Variants in ATG7 observed in about 807,000 individuals in gnomAD.
ATG7 encodes autophagy related 7.
ATG7 carries 70 observed loss-of-function variants against 82.4 expected under a neutral mutation model. The observed-to-expected ratio is 0.85, with a 90% CI of 0.70 to 1.04. The LOEUF (loss-of-function observed/expected upper bound fraction) is 1.04, where lower values mean the gene tolerates loss of function less well. ATG7 is among the 50% of genes least tolerant of loss of function. The pLI, the probability that ATG7 is intolerant of heterozygous loss-of-function variation, is 0.00. For synonymous variants in ATG7, 287 were observed against 313.0 expected (o/e 0.92, Z 0.88); for missense variants, 792 against 864.3 (o/e 0.92, Z 1.05).
chr3:11,542,238 G>C (rs1048003885), intron 20 of ATG7, among the ~76,000 whole-genome samples: 1 of 152,252 alleles, frequency 6.6e-6, no homozygotes, highest in Non-Finnish European at 1.5e-5. Flanking sequence ...CTTGCACTTA[G>C]GCAGTAAACA....
intron 19 of ATG7, among the ~76,000 whole-genome samples, chr3:11,412,044 C>G (rs2080956403): frequency 1.3e-5 from 2 of 151,718 alleles, no homozygotes; most frequent in Admixed American, 1.3e-4. Context: ...GCACAGAAAG[C>G]CAATCACTGA....
intron 5 of ATG7, among the ~76,000 whole-genome samples, chr3:11,302,922 A>G (rs544620098): frequency 6.6e-6 from 1 of 152,362 alleles, no homozygotes; most frequent in East Asian, 1.9e-4. Context: ...TTAAACTGGA[A>G]TATGCTGTCT....
chr3:11,408,801 T>A (rs1559558248), intron 19 of ATG7, among the ~76,000 whole-genome samples: 1 of 152,170 alleles, frequency 6.6e-6, no homozygotes, highest in Non-Finnish European at 1.5e-5. Flanking sequence ...GTCCTTCCCA[T>A]AACACATTGG....
rs946636381 is a variant in ATG7, at chr3:11,364,968, A to G, written c.1875+234A>G. Among the ~76,000 whole-genome samples, 5 of 152,120 alleles carry G rather than the reference A, an allele frequency of 3.3e-5. No individual in the cohort carries two copies. In the East Asian group the frequency reaches 7.7e-4, roughly 23 times the overall value. On this transcript the variant is annotated intron_variant, in intron 18 of 20. Transcript: ENST00000693202. ...CCAGAGTCTTTGATGCGTTTTGTAA[A>G]CTGACTAGAGGCCTCATAATGCAAT...
At chr3:11,335,962 G>T (rs1952396933) in intron 11 of ATG7, among the ~76,000 whole-genome samples, 1 of 151,418 alleles carries the variant, frequency 6.6e-6, no homozygotes, top group Non-Finnish European at 1.5e-5. Context: ...CTCCCAAAGT[G>T]CAGGGATTAC....
intron 20 of ATG7, among the ~76,000 whole-genome samples, chr3:11,480,397 C>T (rs958431538): frequency 7.2e-5 from 11 of 151,872 alleles, no homozygotes; most frequent in Non-Finnish European, 1.2e-4. Flanking sequence ...ATTGGCTGGG[C>T]GTGGTTGTGC....
At chr3:11,432,175 G>A (rs1437880004) in intron 20 of ATG7, among the ~76,000 whole-genome samples, 1 of 152,192 alleles carries the variant, frequency 6.6e-6, no homozygotes. Context: ...AATGGGATAA[G>A]TGAGTGAAAA....
chr3:11,394,316 A>G (rs539692793), intron 19 of ATG7, among the ~76,000 whole-genome samples: 109 of 152,350 alleles, frequency 7.2e-4, no homozygotes, highest in Non-Finnish European at 1.3e-3. Context: ...TAGTGATAGG[A>G]CAGGTGATTT....
At position 11,555,560 on chromosome 3, in the gene ATG7, G is replaced by A. The variant is rs1042769205; in HGVS notation, c.*717G>A. ...GCCTTGAGCTGGGGGGAAGAGCCCA[G>A]GGGCAGATCCTGGCAGCTGCCTGGA... On this transcript the variant is annotated 3_prime_UTR_variant, in exon 21 of 21. Coordinates refer to ENST00000693202, the MANE Select transcript of ATG7 (RefSeq NM_001349232.2). The A allele has an allele frequency of 6.6e-6, 1 of 152,596 alleles. No individual in the cohort carries two copies. Among genetic ancestry groups the A allele is most frequent in the Admixed American group, 6.5e-5 (1 of 15,276 alleles). The allele number at this position is 152,596 out of a possible 1,614,324, so 9.5% of individuals were successfully genotyped here.
At chr3:11,328,067 G>A (rs574126546) in intron 9 of ATG7, among the ~76,000 whole-genome samples, 1 of 152,306 alleles carries the variant, frequency 6.6e-6, no homozygotes, top group African/African-American at 2.4e-5. Flanking sequence ...TCAAGTCCAT[G>A]GAGTGGACCA....
At chr3:11,571,538 G>A in the ATG7 span, among the ~76,000 whole-genome samples, 1 of 150,700 alleles carries the variant, frequency 6.6e-6, no homozygotes. Context: ...ACAAAAATTA[G>A]CTGGGCATGG....
At chr3:11,475,413 G>A (rs943396747) in intron 20 of ATG7, among the ~76,000 whole-genome samples, 1 of 152,174 alleles carries the variant, frequency 6.6e-6, no homozygotes, top group Non-Finnish European at 1.5e-5. Flanking sequence ...AGAGCTGCAT[G>A]ATGGGCAGGG....
At chr3:11,445,993 G>T (rs2084513077) in intron 20 of ATG7, among the ~76,000 whole-genome samples, 1 of 151,960 alleles carries the variant, frequency 6.6e-6, no homozygotes, top group Non-Finnish European at 1.5e-5. Context: ...TGCTTGTGTA[G>T]CCCCTGTGAA....
intron 18 of ATG7, among the ~76,000 whole-genome samples, chr3:11,378,922 G>A (rs1447258643): frequency 6.6e-6 from 1 of 152,004 alleles, no homozygotes; most frequent in Non-Finnish European, 1.5e-5. Flanking sequence ...AAACGGTGGT[G>A]GATCGGGTCT....
chr3:11,400,192 C>G (rs563250855), intron 19 of ATG7, among the ~76,000 whole-genome samples: 30 of 152,240 alleles, frequency 2.0e-4, no homozygotes, highest in African/African-American at 6.7e-4. Context: ...GTAGAGGTAA[C>G]CTGCTGGTAG....
chr3:11,375,710 C>T (rs1263748613), intron 18 of ATG7, among the ~76,000 whole-genome samples: 8 of 152,208 alleles, frequency 5.3e-5, no homozygotes, highest in Admixed American at 1.3e-4. Flanking sequence ...CAGGCATGTA[C>T]CACAACACCT....
chr3:11,506,587 C>CAAAAAAAAAA lies in ATG7; in HGVS notation c.2080-48219_2080-48218insAAAAAAAAAA, dbSNP rs1275955326. Among the ~76,000 whole-genome samples, 48 of 119,530 alleles carry CAAAAAAAAAA rather than the reference C, an allele frequency of 4.0e-4. 3 individuals carry two copies. Among genetic ancestry groups the CAAAAAAAAAA allele is most frequent in the African/African-American group, 1.6e-3 (45 of 28,788 alleles). 78.4% of individuals were successfully genotyped at this position (119,530 alleles called of 152,430 possible). On this transcript the variant is annotated intron_variant, in intron 20 of 20. Transcript: ENST00000693202. Reference sequence around the variant, plus strand: ...AAAAAAAAAAAAAAAAAAAAAAACCCAAAAATTAGCTGGGAGTGGTGGCAG... The same window carrying CAAAAAAAAAA: ...AAAAAAAAAAAAAAAAAAAAAAACCCAAAAAAAAAAAAAAATTAGCTGGGAGTGGTGGCAG...
At chr3:11,523,038 G>T (rs536422967) in intron 20 of ATG7, among the ~76,000 whole-genome samples, 12 of 152,238 alleles carry the variant, frequency 7.9e-5, no homozygotes, top group African/African-American at 2.6e-4. Flanking sequence ...GAAATAGCCT[G>T]TACTTTATAA....
At chr3:11,460,424 C>T (rs977231611) in intron 20 of ATG7, among the ~76,000 whole-genome samples, 1 of 152,152 alleles carries the variant, frequency 6.6e-6, no homozygotes, top group African/African-American at 2.4e-5. Context: ...GCTCAGATGT[C>T]GTGAGAGAAG....
Sources: allele counts gnomAD v4.1 joint callset (sites outside exome capture counted in the v4.1 genomes callset), GRCh38; gene constraint gnomAD v4.1.1; transcripts MANE v1.5; gene names NCBI Gene and HGNC (gene_info 2026-07-23, HGNC 2026-07-21).